The following ZFYVE9 variants were observed in gnomAD, a reference collection of about 807,000 sequenced individuals.
ZFYVE9 encodes the protein zinc finger FYVE domain-containing protein 9.
In ZFYVE9, 43 loss-of-function variants were observed where a neutral mutation model predicts 126.7. That is an observed-to-expected ratio of 0.34 (90% confidence interval 0.27 to 0.44). The LOEUF (loss-of-function observed/expected upper bound fraction) is 0.44, where lower values mean the gene tolerates loss of function less well. ZFYVE9 is among the 20% of genes least tolerant of loss of function. The probability of loss-of-function intolerance (pLI) is 1.00; values close to 1 mark genes in which losing one functional copy is unlikely to be tolerated. For missense variants in ZFYVE9, 1,476 were observed against 1,697.0 expected (o/e 0.87, Z 2.29); for synonymous variants, 521 against 597.4 (o/e 0.87, Z 1.87).
intron 13 of ZFYVE9, among the ~76,000 whole-genome samples, chr1:52,317,384 T>C (rs1273832332): frequency 6.6e-6 from 1 of 151,428 alleles, no homozygotes; most frequent in Non-Finnish European, 1.5e-5. Context: ...TATCCGGGCA[T>C]GATGGTGCGT....
intron 13 of ZFYVE9, 40 bp downstream of exon 13, chr1:52,303,965 A>G: frequency 7.0e-7 from 1 of 1,422,290 alleles, no homozygotes; most frequent in Non-Finnish European, 9.6e-7. Context: ...ATAGTTGAAA[A>G]CATGAGTGAA....
intron 1 of ZFYVE9, among the ~76,000 whole-genome samples, chr1:52,157,221 T>G (rs547333342): frequency 6.6e-6 from 1 of 152,116 alleles, no homozygotes; most frequent in East Asian, 1.9e-4. Flanking sequence ...TATATGAGTT[T>G]AGATGTGAAA....
At chr1:52,292,238 A>G (rs1328178716) in intron 10 of ZFYVE9, among the ~76,000 whole-genome samples, 10 of 148,522 alleles carry the variant, frequency 6.7e-5, no homozygotes, top group African/African-American at 2.2e-4. Flanking sequence ...AGCCAAGATC[A>G]CACCACTGCA....
At position 52,340,293 on chromosome 1, in the gene ZFYVE9, A is replaced by T. The variant is rs1646422290; in HGVS notation, c.3939+62A>T. 3 of 1,277,422 alleles carry T rather than the reference A, an allele frequency of 2.3e-6. No individual in the cohort carries two copies. In the South Asian group the frequency reaches 3.7e-5, roughly 16 times the overall value. 79.1% of individuals were successfully genotyped at this position (1,277,422 alleles called of 1,614,324 possible). ...GAGCACAACTTTTTGCTAGGCCAAGAGCCACATTCTGGGTTGACTTTGTAG... is the reference window on the plus strand; with the variant it reads ...GAGCACAACTTTTTGCTAGGCCAAGTGCCACATTCTGGGTTGACTTTGTAG... On this transcript the variant is annotated intron_variant, in intron 17 of 18. Coordinates refer to ENST00000287727, the MANE Select transcript of ZFYVE9 (RefSeq NM_004799.4).
rs552521665 is a variant in ZFYVE9 at position 52,211,554 on chromosome 1, G to A, written c.-142-4815G>A. On this transcript the variant is annotated intron_variant, in intron 1 of 18. Coordinates refer to ENST00000287727, the MANE Select transcript of ZFYVE9 (RefSeq NM_004799.4). ...TGTTAAGAAGTTTCTTTACTGAGCC[G>A]GGTACAGTGGTGTGTACCTGCAGTC... 3.2e-4 allele frequency among the ~76,000 whole-genome samples: 49 copies of A among 152,202 alleles called. No homozygotes were observed. The South Asian group carries it at 9.6e-3, about 30-fold the overall frequency.
At chr1:52,260,531 T>G (rs1250418175) in intron 4 of ZFYVE9, among the ~76,000 whole-genome samples, 1 of 151,968 alleles carries the variant, frequency 6.6e-6, no homozygotes, top group Non-Finnish European at 1.5e-5. Context: ...AATGCTTAAG[T>G]GGGGGCTGGG....
chr1:52,198,111 T>C (rs534170644), intron 1 of ZFYVE9, among the ~76,000 whole-genome samples: 2 of 31,420 alleles, frequency 6.4e-5, no homozygotes, highest in Non-Finnish European at 1.2e-4. Context: ...TATTGTAGTG[T>C]TTTTTTTTGT....
At chr1:52,257,512 C>G (rs1645533176) in intron 4 of ZFYVE9, among the ~76,000 whole-genome samples, 1 of 152,120 alleles carries the variant, frequency 6.6e-6, no homozygotes, top group Non-Finnish European at 1.5e-5. Flanking sequence ...CTTACTTTGT[C>G]TCTTTATGCT....
At chr1:52,213,650 CA>C (rs368833088) in intron 1 of ZFYVE9, among the ~76,000 whole-genome samples, 14 of 146,132 alleles carry the variant, frequency 9.6e-5, no homozygotes, top group Middle Eastern at 3.4e-3. Context: ...GACTGTGTCT[CA>C]AAAAAAAAAG....
chr1:52,238,592 A>G lies in ZFYVE9; in HGVS notation c.1175A>G (p.His392Arg), dbSNP rs113496712. ...ACAGAATTCCTTAATATGACAGAGC[A>G]TTTCTCTGAATCTCAGGACATGACT... ...GTTEFLNMTEHFSESQDMTNW... is the reference protein window; with the variant it reads ...GTTEFLNMTERFSESQDMTNW... The change falls in exon 4 of 19, where the codon CAT becomes CGT. Residue 392 changes from histidine (H) to arginine (R), a missense_variant. Physicochemically the swap from His to Arg is conservative, Grantham distance 29. Coordinates refer to ENST00000287727, the MANE Select transcript of ZFYVE9 (RefSeq NM_004799.4). 3.7e-4 allele frequency: 605 copies of G among 1,614,102 alleles called. 3 individuals are homozygous for G. The African/African-American group carries it at 7.5e-3, about 20-fold the overall frequency.
chr1:52,270,420 T>C (rs868457985), intron 7 of ZFYVE9, among the ~76,000 whole-genome samples: 10 of 152,016 alleles, frequency 6.6e-5, no homozygotes, highest in South Asian at 2.1e-4. Context: ...CCCGCCACCA[T>C]GCCCAGCTAA....
Position 52,237,880 on chromosome 1 carries a change from C to T in ZFYVE9, c.463C>T (p.His155Tyr). ...EKNVLVVAVMHNCDKRTLQND... is the reference protein window; with the variant it reads ...EKNVLVVAVMYNCDKRTLQND... ...GAATGTTCTTGTTGTAGCCGTCATGCATAACTGTGATAAAAGGACATTACA... is the reference window on the plus strand; with the variant it reads ...GAATGTTCTTGTTGTAGCCGTCATGTATAACTGTGATAAAAGGACATTACA... Residue 155 changes from histidine (H) to tyrosine (Y), a missense_variant, in exon 4 of 19, where the codon CAT becomes TAT. Coordinates refer to ENST00000287727, the MANE Select transcript of ZFYVE9 (RefSeq NM_004799.4). The T allele has an allele frequency of 2.5e-6, 4 of 1,613,976 alleles. No individual in the cohort carries two copies. Among genetic ancestry groups the T allele is most frequent in the Non-Finnish European group, 3.4e-6 (4 of 1,179,938 alleles).
chr1:52,180,425 A>G, intron 1 of ZFYVE9: 1 of 1,443,394 alleles, frequency 6.9e-7, no homozygotes. Flanking sequence ...TGCAGTGAAA[A>G]CTGTCTGAAT....
intron 8 of ZFYVE9, among the ~76,000 whole-genome samples, chr1:52,275,940 ACT>A (rs1245869023): frequency 8.3e-6 from 1 of 120,280 alleles, no homozygotes; most frequent in African/African-American, 3.4e-5. Flanking sequence ...ATGGAGTCTC[ACT>A]CTGTCGCCAG....
At chr1:52,278,717 A>C in intron 9 of ZFYVE9, 103 bp downstream of exon 9, 1 of 825,396 alleles carries the variant, frequency 1.2e-6, no homozygotes. Context: ...ATAGAGCCAC[A>C]TCTTTTTTTT....
chr1:52,273,179 G>A (rs1002025846), intron 7 of ZFYVE9, among the ~76,000 whole-genome samples: 29 of 150,814 alleles, frequency 1.9e-4, no homozygotes, highest in Admixed American at 7.9e-4. Context: ...ACTAATTTTT[G>A]TATTATTAGT....
chr1:52,233,978 G>A (rs970059198), intron 3 of ZFYVE9, among the ~76,000 whole-genome samples: 2 of 151,908 alleles, frequency 1.3e-5, no homozygotes, highest in East Asian at 1.9e-4. Flanking sequence ...AAGGGGTTTC[G>A]CCTTGTTGGC....
intron 1 of ZFYVE9, among the ~76,000 whole-genome samples, chr1:52,197,226 A>C (rs1557450954): frequency 2.6e-5 from 4 of 152,210 alleles, no homozygotes; most frequent in Non-Finnish European, 5.9e-5. Flanking sequence ...TTTAATGTTG[A>C]TTGTGAGCAT....
At chr1:52,187,605 TTA>T (rs1644776530) in intron 1 of ZFYVE9, among the ~76,000 whole-genome samples, 1 of 152,114 alleles carries the variant, frequency 6.6e-6, no homozygotes, top group Non-Finnish European at 1.5e-5. Context: ...TTAAACAAAT[TTA>T]TGAGAGAAAA....
Sources: gnomAD v4.1 joint callset for allele counts (sites outside exome capture counted in the v4.1 genomes callset) on GRCh38, gnomAD v4.1.1 for gene constraint, MANE v1.5 for transcripts, NCBI Gene and HGNC (gene_info 2026-07-23, HGNC 2026-07-21) for gene names.